The following CPVL variants were observed in gnomAD, a reference collection of about 807,000 sequenced individuals.
CPVL encodes probable serine carboxypeptidase CPVL.
CPVL carries 51 observed loss-of-function variants against 63.7 expected under a neutral mutation model. The ratio of observed to expected loss-of-function variants is 0.80; its 90% confidence interval spans 0.64 to 1.01. CPVL has a LOEUF of 1.01. CPVL is among the 50% of genes least tolerant of loss of function. CPVL has a pLI of 0.00. For missense variants in CPVL, 530 were observed against 573.1 expected, an observed-to-expected ratio of 0.92 and a Z score of 0.77; for synonymous variants, 195 against 206.0, an observed-to-expected ratio of 0.95 and a Z score of 0.46.
chr7:29,002,879 A>AAAG (rs1212298478), intron 12 of CPVL, among the ~76,000 whole-genome samples: 3 of 151,088 alleles, frequency 2.0e-5, no homozygotes, highest in African/African-American at 7.3e-5. Context: ...AAAAAAAAAA[A>AAAG]AAGAAGAAGA....
downstream of CPVL, among the ~76,000 whole-genome samples, chr7:28,994,686 A>G (rs1486084715): frequency 1.3e-5 from 2 of 152,240 alleles, no homozygotes; most frequent in African/African-American, 4.8e-5. Flanking sequence ...GGTACAATGA[A>G]CAATTTAAAA....
At position 29,040,532 on chromosome 7, in the gene CPVL, G is replaced by C. The variant is rs1477056133; in HGVS notation, c.1138-9773C>G. ...TACTCAGGAGGCCTGAGTCCCCAAG[G>C]CCTGCTTGAAGAAGACTGGTAGAAA... On this transcript the variant is annotated intron_variant, in intron 11 of 12. Transcript: ENST00000265394. Among the ~76,000 whole-genome samples the C allele has an allele frequency of 2.0e-5, 3 of 152,158 alleles. No homozygotes were observed. In the East Asian group the frequency reaches 5.8e-4, roughly 29 times the overall value.
At chr7:29,143,947 G>A (rs1021733929) in intron 1 of CPVL, among the ~76,000 whole-genome samples, 1 of 152,168 alleles carries the variant, frequency 6.6e-6, no homozygotes, top group Non-Finnish European at 1.5e-5. Context: ...GTTCAGATAC[G>A]CTGTAACAGC....
intron 1 of CPVL, among the ~76,000 whole-genome samples, chr7:29,136,371 T>C (rs1280951283): frequency 6.6e-6 from 1 of 152,158 alleles, no homozygotes; most frequent in Non-Finnish European, 1.5e-5. Flanking sequence ...GGCTCAGCAG[T>C]GAGCATATTT....
chr7:29,069,756 C>T (rs1458488048), intron 9 of CPVL, among the ~76,000 whole-genome samples: 1 of 150,112 alleles, frequency 6.7e-6, no homozygotes, highest in Non-Finnish European at 1.5e-5. Context: ...GGCATCCTCT[C>T]CACTCACCAG....
At chr7:28,999,323 A>G (rs1478960012) in intron 12 of CPVL, among the ~76,000 whole-genome samples, 1 of 152,218 alleles carries the variant, frequency 6.6e-6, no homozygotes, top group Non-Finnish European at 1.5e-5. Flanking sequence ...CCAATTCGGA[A>G]GGTCCAGGGC....
chr7:29,091,867 C>G (rs2128604944), intron 6 of CPVL, among the ~76,000 whole-genome samples: 1 of 152,284 alleles, frequency 6.6e-6, no homozygotes, highest in East Asian at 1.9e-4. Context: ...ATTAGATGCA[C>G]TTTCGCTTTG....
chr7:29,057,761 A>G (rs75353357), intron 11 of CPVL, among the ~76,000 whole-genome samples: 1,710 of 152,300 alleles, frequency 0.011, 37 homozygotes, highest in African/African-American at 0.039. Context: ...TGTAAAGACT[A>G]TCTTTGCTAC....
chr7:29,162,452 G>A (rs1194244088), intron 5 of CPVL, among the ~76,000 whole-genome samples: 10 of 151,952 alleles, frequency 6.6e-5, no homozygotes, highest in African/African-American at 1.7e-4. Context: ...ACCTGAGGTC[G>A]GGAGTTCAAG....
At chr7:29,032,627 A>C (rs17157412) in intron 11 of CPVL, among the ~76,000 whole-genome samples, 3,284 of 152,298 alleles carry the variant, frequency 0.022, 122 homozygotes, top group African/African-American at 0.074. Flanking sequence ...ATTATAGCTG[A>C]TTAGCAAAGA....
At chr7:28,994,992 T>C (rs1394806813), downstream of CPVL, among the ~76,000 whole-genome samples, 4 of 151,848 alleles carry the variant, frequency 2.6e-5, no homozygotes. Context: ...TGATGCCAGC[T>C]TATCTTAATT....
At chr7:29,182,741 G>C (rs1001082131) in intron 4 of CPVL, among the ~76,000 whole-genome samples, 14 of 152,314 alleles carry the variant, frequency 9.2e-5, no homozygotes, top group African/African-American at 3.4e-4. Flanking sequence ...GAAGCATTAA[G>C]GTTCTTAAAT....
intron 12 of CPVL, chr7:29,009,826 A>G (rs1785625189): frequency 2.0e-5 from 3 of 152,192 alleles, no homozygotes; most frequent in Admixed American, 2.0e-4. Context: ...TTTTTAAACC[A>G]GCTGGTGAGT....
chr7:29,071,711 C>A, intron 9 of CPVL, 62 bp downstream of exon 9: 2 of 486,408 alleles, frequency 4.1e-6, no homozygotes, highest in Middle Eastern at 3.6e-4. Context: ...TCCTGCTCAC[C>A]CGCCCTCCCT....
At chr7:29,012,599 G>A (rs965257794) in intron 12 of CPVL, 1 of 152,162 alleles carries the variant, frequency 6.6e-6, no homozygotes, top group African/African-American at 2.4e-5. Context: ...TGATACTACT[G>A]ACTGGAAGAC....
intron 11 of CPVL, among the ~76,000 whole-genome samples, chr7:29,035,206 T>C (rs1788408596): frequency 6.6e-6 from 1 of 152,220 alleles, no homozygotes; most frequent in African/African-American, 2.4e-5. Flanking sequence ...CTTGTACTGC[T>C]TCACAAGGTC....
chr7:29,095,160 A>T lies in CPVL; in HGVS notation c.404-18T>A. The stretch of plus-strand genomic sequence containing the variant: ...GTCACGCACTGTGAAAACAAAGAAG[A>T]GGGGTGAGATAGAGTCGTGGACAAG... On this transcript the variant is annotated intron_variant, in intron 4 of 12. Coordinates refer to ENST00000265394, the MANE Select transcript of CPVL (RefSeq NM_031311.5). 1 of 1,610,680 alleles carries T rather than the reference A, an allele frequency of 6.2e-7. No homozygotes were observed.
chr7:29,146,556 G>C (rs1040072572), upstream of CPVL: 54 of 1,530,560 alleles, frequency 3.5e-5, no homozygotes, highest in Admixed American at 6.3e-5. Flanking sequence ...TGCAGAACTC[G>C]AGCCTTTAAG....
chr7:29,131,462 G>A (rs1458365295), intron 1 of CPVL, among the ~76,000 whole-genome samples: 1 of 152,120 alleles, frequency 6.6e-6, no homozygotes, highest in Non-Finnish European at 1.5e-5. Context: ...CATGATTCTA[G>A]TACATTTCTC....
Sources: allele counts gnomAD v4.1 joint callset (sites outside exome capture counted in the v4.1 genomes callset), GRCh38; gene constraint gnomAD v4.1.1; transcripts MANE v1.5; gene names NCBI Gene and HGNC (gene_info 2026-07-23, HGNC 2026-07-21).